SLC24A2: variants seen among roughly 807,000 people sequenced by gnomAD.
SLC24A2 encodes the protein sodium/potassium/calcium exchanger 2.
SLC24A2 carries 36 observed loss-of-function variants against 62.0 expected under a neutral mutation model. That is an observed-to-expected ratio of 0.58 (90% confidence interval 0.44 to 0.77). SLC24A2 has a LOEUF of 0.77. Among genes scored for constraint, SLC24A2 ranks in the 30% least tolerant of loss-of-function variants. The probability of loss-of-function intolerance (pLI) is 0.00; values close to 1 mark genes in which losing one functional copy is unlikely to be tolerated. For missense variants in SLC24A2, 846 were observed against 817.9 expected (o/e 1.03, Z -0.42); for synonymous variants, 358 against 294.0 (o/e 1.22, Z -2.23).
the SLC24A2 span, among the ~76,000 whole-genome samples, chr9:20,019,253 G>GAGAGAAAGAA: frequency 5.5e-5 from 6 of 109,640 alleles, no homozygotes; most frequent in Non-Finnish European, 9.5e-5. Flanking sequence ...AAGAAGGAAA[G>GAGAGAAAGAA]AGAAAGAAAG....
chr9:19,567,751 T>C (rs1234182029), intron 7 of SLC24A2, among the ~76,000 whole-genome samples: 1 of 151,768 alleles, frequency 6.6e-6, no homozygotes, highest in Non-Finnish European at 1.5e-5. Flanking sequence ...AGATCAGATT[T>C]CTCAGTGTTG....
the SLC24A2 span, among the ~76,000 whole-genome samples, chr9:20,260,685 C>T: frequency 6.6e-6 from 1 of 151,842 alleles, no homozygotes; most frequent in Non-Finnish European, 1.5e-5. Context: ...TTGTGGAGAA[C>T]AGGTGGTGTT....
the SLC24A2 span, among the ~76,000 whole-genome samples, chr9:20,217,747 A>C: frequency 6.6e-6 from 1 of 152,172 alleles, no homozygotes; most frequent in East Asian, 1.9e-4. Context: ...TTTCCTGGAG[A>C]ATATCTGTTT....
At chr9:19,898,469 G>A in the SLC24A2 span, among the ~76,000 whole-genome samples, 5 of 152,278 alleles carry the variant, frequency 3.3e-5, no homozygotes, top group South Asian at 2.1e-4. Context: ...TAGGCCTGGC[G>A]CGGTGGCTCA....
At chr9:20,257,177 A>G in the SLC24A2 span, among the ~76,000 whole-genome samples, 12 of 152,274 alleles carry the variant, frequency 7.9e-5, no homozygotes, top group African/African-American at 2.4e-4. Flanking sequence ...AAATTTTCCA[A>G]AGTCCCTTGT....
the SLC24A2 span, among the ~76,000 whole-genome samples, chr9:20,129,928 TACACACACACACACACAC>T: frequency 5.6e-5 from 8 of 141,796 alleles, no homozygotes; most frequent in Admixed American, 2.8e-4. Context: ...TATAATTTAC[TACACACACACACACACAC>T]ACACACACAC....
chr9:19,604,941 T>A (rs1563993302), intron 4 of SLC24A2, among the ~76,000 whole-genome samples: 1 of 152,262 alleles, frequency 6.6e-6, no homozygotes, highest in South Asian at 2.1e-4. Flanking sequence ...AGAATGTTCA[T>A]ACAATCCTTT....
At chr9:19,718,855 C>T (rs1022677049) in intron 2 of SLC24A2, among the ~76,000 whole-genome samples, 2 of 152,134 alleles carry the variant, frequency 1.3e-5, no homozygotes, top group African/African-American at 4.8e-5. Context: ...AACTTATTTC[C>T]CTCATGACTC....
the SLC24A2 span, among the ~76,000 whole-genome samples, chr9:20,292,955 A>C: frequency 6.6e-6 from 1 of 152,326 alleles, no homozygotes; most frequent in East Asian, 1.9e-4. Context: ...AGGCCTTCTC[A>C]GAAACCTGTA....
the SLC24A2 span, among the ~76,000 whole-genome samples, chr9:20,107,388 T>A: frequency 1.3e-5 from 2 of 151,630 alleles, no homozygotes; most frequent in Admixed American, 6.6e-5. Flanking sequence ...CATTGCCAAG[T>A]CAATCCTAAG....
chr9:19,697,469 T>G (rs1425421357), intron 2 of SLC24A2, among the ~76,000 whole-genome samples: 1 of 152,182 alleles, frequency 6.6e-6, no homozygotes, highest in Non-Finnish European at 1.5e-5. Context: ...ATCTTTTCCT[T>G]GGCACTATTT....
chr9:19,831,246 C>A, the SLC24A2 span, among the ~76,000 whole-genome samples: 1 of 152,186 alleles, frequency 6.6e-6, no homozygotes, highest in Non-Finnish European at 1.5e-5. Flanking sequence ...ATTCTGGTCA[C>A]TAGCTAGATT....
the SLC24A2 span, among the ~76,000 whole-genome samples, chr9:19,836,959 C>T: frequency 5.5e-4 from 84 of 152,236 alleles, no homozygotes; most frequent in Non-Finnish European, 1.2e-4. Flanking sequence ...AGCATATAAA[C>T]AGAACCAAAG....
the SLC24A2 span, among the ~76,000 whole-genome samples, chr9:19,801,272 T>C: frequency 6.6e-6 from 1 of 152,136 alleles, no homozygotes; most frequent in Non-Finnish European, 1.5e-5. Context: ...TTCAGCTCGA[T>C]TAGGATGAAC....
the SLC24A2 span, among the ~76,000 whole-genome samples, chr9:20,072,235 G>T: frequency 6.6e-6 from 1 of 152,298 alleles, no homozygotes; most frequent in East Asian, 1.9e-4. Flanking sequence ...ACGCCTATCT[G>T]TTTAGATCCT....
the SLC24A2 span, among the ~76,000 whole-genome samples, chr9:20,270,048 G>C: frequency 3.9e-5 from 6 of 152,180 alleles, no homozygotes; most frequent in Admixed American, 3.3e-4. Context: ...GAAGAGGGAA[G>C]ACTGGAGGGG....
chr9:20,105,486 A>G, the SLC24A2 span, among the ~76,000 whole-genome samples: 1 of 151,918 alleles, frequency 6.6e-6, no homozygotes, highest in Non-Finnish European at 1.5e-5. Context: ...AACAGAAATT[A>G]TAACAAACTG....
At chr9:20,264,615 G>A in the SLC24A2 span, among the ~76,000 whole-genome samples, 1 of 152,076 alleles carries the variant, frequency 6.6e-6, no homozygotes, top group Non-Finnish European at 1.5e-5. Context: ...CTCAGTTTTG[G>A]GTTCCTCCTC....
the SLC24A2 span, chr9:19,957,451 T>A: frequency 1.3e-5 from 2 of 152,240 alleles, no homozygotes; most frequent in Non-Finnish European, 2.9e-5. Flanking sequence ...TCTGGAATGT[T>A]CATCTTGGGT....
Sources: gnomAD v4.1 joint callset for allele counts (sites outside exome capture counted in the v4.1 genomes callset) on GRCh38, gnomAD v4.1.1 for gene constraint, MANE v1.5 for transcripts, NCBI Gene and HGNC (gene_info 2026-07-23, HGNC 2026-07-21) for gene names.